SERPINB9: variants seen among roughly 807,000 people sequenced by gnomAD.
The protein encoded by SERPINB9 is serpin B9.
SERPINB9 carries 20 observed loss-of-function variants against 27.2 expected under a neutral mutation model. That is an observed-to-expected ratio of 0.74 (90% CI 0.52 to 1.07). The LOEUF is 1.07. SERPINB9 is among the 50% of genes least tolerant of loss of function. The pLI, the probability that SERPINB9 is intolerant of heterozygous loss-of-function variation, is 0.00. For missense variants in SERPINB9, 476 were observed against 460.1 expected (o/e 1.03, Z -0.32); for synonymous variants, 189 against 180.0 (o/e 1.05, Z -0.40).
chr6:2,899,515 CTT>C (rs1039903011), intron 2 of SERPINB9, among the ~76,000 whole-genome samples: 1 of 152,300 alleles, frequency 6.6e-6, no homozygotes, highest in African/African-American at 2.4e-5. Context: ...ATGTAATCCT[CTT>C]TACTTTTTCC....
chr6:2,892,585 G>A (rs1006536078), intron 5 of SERPINB9, among the ~76,000 whole-genome samples: 1 of 152,018 alleles, frequency 6.6e-6, no homozygotes, highest in Non-Finnish European at 1.5e-5. Context: ...GCTCAGCAAA[G>A]TATTACATTT....
intron 3 of SERPINB9, 53 bp downstream of exon 3, chr6:2,895,998 CTA>C: frequency 6.5e-7 from 1 of 1,544,130 alleles, no homozygotes; most frequent in South Asian, 1.2e-5. Context: ...CTCCCAGACT[CTA>C]TATCACCAGG....
At position 2,890,299 on chromosome 6, in the gene SERPINB9, G is replaced by A. The variant is rs370745277; in HGVS notation, c.995C>T (p.Ala332Val). Residue 332 changes from alanine (A) to valine (V), a missense_variant, in exon 7 of 7, where the codon GCG becomes GTG. Coordinates refer to ENST00000380698, the MANE Select transcript of SERPINB9 (RefSeq NM_004155.6). The surrounding 1 kb of genome is among the most constrained non-coding windows in gnomAD (Gnocchi z 6.2). ...VNEEGTEAAA[A>V]SSCFVVAECC... The stretch of plus-strand genomic sequence containing the variant: ...CTCTGCAACTACAAAGCAGCTCGAC[G>A]CTGCCGCTGCCTCGGTGCCTTCTTC... 82 of 1,614,090 alleles carry A rather than the reference G, an allele frequency of 5.1e-5. No homozygotes were observed. The highest frequency in any genetic ancestry group is 1.3e-4 in the South Asian group (12 of 91,092).
rs1767916771 is a variant in SERPINB9, at chr6:2,894,124, T to C, written c.425-571A>G. ...AGATCACCCCTTCTTTCCCTGGAGA[T>C]CAAGTGGTACTGTTTCAATGAACTG... is the stretch of plus-strand genomic sequence containing the variant. On this transcript the variant is annotated intron_variant, in intron 4 of 6. Transcript: ENST00000380698. This position sits in a 1 kb window ranked among gnomAD's most constrained non-coding sequence, Gnocchi z 4.7. Among the ~76,000 whole-genome samples, 1 of 152,030 alleles carries C rather than the reference T, an allele frequency of 6.6e-6. No homozygotes were observed. The highest frequency in any genetic ancestry group is 1.5e-5 in the Non-Finnish European group (1 of 68,008).
chr6:2,888,291 C>G lies in SERPINB9; in HGVS notation c.*1872G>C, dbSNP rs760689389. 1 of 152,082 alleles carries G rather than the reference C, an allele frequency of 6.6e-6. No homozygotes were observed. Among genetic ancestry groups the G allele is most frequent in the Non-Finnish European group, 1.5e-5 (1 of 68,012 alleles). The allele number at this position is 152,082 out of a possible 1,614,324, so 9.4% of individuals were successfully genotyped here. ...AACAGTTTGTCTGTTCCTCAAAAAG[C>G]TAAACATAGAATTAACATATGACCC... On this transcript the variant is annotated 3_prime_UTR_variant, in exon 7 of 7. Transcript: ENST00000380698.
intron 5 of SERPINB9, among the ~76,000 whole-genome samples, 176 bp downstream of exon 5, chr6:2,893,235 G>GTATATTTAATATATATATATTATATATA (rs1767884442): frequency 2.7e-5 from 1 of 36,368 alleles, no homozygotes; most frequent in Admixed American, 2.8e-4. Flanking sequence ...TATATATGCA[G>GTATATTTAATATATATATATTATATATA]CAAATATCTT....
chr6:2,893,053 C>CG (rs542385110), intron 5 of SERPINB9, among the ~76,000 whole-genome samples: 7,172 of 113,474 alleles, frequency 0.063, 220 homozygotes, highest in African/African-American at 0.095. Flanking sequence ...TACCTTAACA[C>CG]TTTTTTTTTT....
chr6:2,891,699 T>C lies in SERPINB9; in HGVS notation c.723+134A>G. On this transcript the variant is annotated intron_variant, in intron 6 of 6. Coordinates refer to ENST00000380698, the MANE Select transcript of SERPINB9 (RefSeq NM_004155.6). The surrounding 1 kb of genome is among the most constrained non-coding windows in gnomAD (Gnocchi z 4.0). ...AAGTCAGCCTTGAACAAAAGTTCGA[T>C]CCCAACGCCAAGTGCCTGCACAGTG... 2.0e-6 allele frequency: 2 copies of C among 1,007,698 alleles called. No homozygotes were observed. Among genetic ancestry groups the C allele is most frequent in the South Asian group, 1.8e-5 (1 of 54,532 alleles). 62.4% of individuals were successfully genotyped at this position (1,007,698 alleles called of 1,614,324 possible).
At chr6:2,898,683 G>C (rs1328419497) in intron 2 of SERPINB9, among the ~76,000 whole-genome samples, 1 of 151,904 alleles carries the variant, frequency 6.6e-6, no homozygotes, top group Non-Finnish European at 1.5e-5. Context: ...GCGTGGGGGC[G>C]GGCACCTGTA....
At chr6:2,895,564 A>T in intron 3 of SERPINB9, 56 bp from the exon 4 acceptor site, 7 of 1,090,960 alleles carry the variant, frequency 6.4e-6, no homozygotes, top group Non-Finnish European at 9.6e-6. Context: ...ATGTCAGCAA[A>T]CTTCCAAAAA....
At chr6:2,900,690 G>A in intron 1 of SERPINB9, 69 bp from the exon 2 acceptor site, 1 of 1,306,756 alleles carries the variant, frequency 7.7e-7, no homozygotes, top group South Asian at 1.4e-5. Flanking sequence ...ACTTACTACA[G>A]GGCAATTTTG....
Position 2,890,288 on chromosome 6 carries a change from A to G in SERPINB9, c.1006T>C (p.Phe336Leu). Reference sequence around the variant, plus strand: ...TCCATGCAGCACTCTGCAACTACAAAGCAGCTCGACGCTGCCGCTGCCTCG... The same window carrying G: ...TCCATGCAGCACTCTGCAACTACAAGGCAGCTCGACGCTGCCGCTGCCTCG... ...GTEAAAASSC[F>L]VVAECCMESG... Residue 336 changes from phenylalanine (F) to leucine (L), a missense_variant, in exon 7 of 7, where the codon TTT becomes CTT. Transcript: ENST00000380698. The surrounding 1 kb of genome is among the most constrained non-coding windows in gnomAD (Gnocchi z 6.2). The G allele has an allele frequency of 6.2e-7, 1 of 1,614,224 alleles. No homozygotes were observed. The highest frequency in any genetic ancestry group is 8.5e-7 in the Non-Finnish European group (1 of 1,180,036).
Position 2,889,366 on chromosome 6 carries a change from T to A in SERPINB9, c.*797A>T, listed in dbSNP as rs56348635. The stretch of plus-strand genomic sequence containing the variant: ...AGTGCCTAAAGCAGTGTTTGGTGCA[T>A]GCTTGGTGATTGGTAAATGTCAAAG... On this transcript the variant is annotated 3_prime_UTR_variant, in exon 7 of 7. Coordinates refer to ENST00000380698, the MANE Select transcript of SERPINB9 (RefSeq NM_004155.6). 0.078 allele frequency: 11,899 copies of A among 152,262 alleles called. 592 individuals carry two copies. The highest frequency in any genetic ancestry group is 0.13 in the African/African-American group (5,513 of 41,494). 9.4% of individuals were successfully genotyped at this position (152,262 alleles called of 1,614,324 possible).
Position 2,890,645 on chromosome 6 carries a change from C to A in SERPINB9, c.724-75G>T. ...CAAGCGCACAGGCACTCACAGTTCCCTTCCTCCCCTTGCACGTAGGTGTTG... is the reference window on the plus strand; with the variant it reads ...CAAGCGCACAGGCACTCACAGTTCCATTCCTCCCCTTGCACGTAGGTGTTG... On this transcript the variant is annotated intron_variant, in intron 6 of 6. Coordinates refer to ENST00000380698, the MANE Select transcript of SERPINB9 (RefSeq NM_004155.6). This position sits in a 1 kb window ranked among gnomAD's most constrained non-coding sequence, Gnocchi z 6.2. 3 of 1,384,096 alleles carry A rather than the reference C, an allele frequency of 2.2e-6. No homozygotes were observed. Among genetic ancestry groups the A allele is most frequent in the Admixed American group, 4.1e-5 (2 of 48,526 alleles). 85.7% of individuals were successfully genotyped at this position (1,384,096 alleles called of 1,614,324 possible). A position where few individuals can be genotyped will look rare whatever the true frequency, so the allele number is the denominator to read the frequency against.
intron 2 of SERPINB9, among the ~76,000 whole-genome samples, chr6:2,897,564 T>C (rs1244415966): frequency 6.6e-6 from 1 of 152,178 alleles, no homozygotes; most frequent in African/African-American, 2.4e-5. Flanking sequence ...CCAAAGAGTT[T>C]GGCCAAAGAT....
intron 4 of SERPINB9, 120 bp from the exon 5 acceptor site, chr6:2,893,673 G>C (rs1767902034): frequency 3.8e-6 from 3 of 790,128 alleles, no homozygotes; most frequent in Non-Finnish European, 2.0e-6. Context: ...AGTTTGGGTT[G>C]TTATGTAGAG....
Position 2,890,698 on chromosome 6 carries a change from T to C in SERPINB9, c.724-128A>G, listed in dbSNP as rs1767769994. Reference sequence around the variant, plus strand: ...TGTTCACATAGGATCAGTGGCCCCTTCATCTGCCAGAAGCTTGTGAGCACT... The same window carrying C: ...TGTTCACATAGGATCAGTGGCCCCTCCATCTGCCAGAAGCTTGTGAGCACT... On this transcript the variant is annotated intron_variant, in intron 6 of 6. Transcript: ENST00000380698. The surrounding 1 kb of genome is among the most constrained non-coding windows in gnomAD (Gnocchi z 6.2). The C allele has an allele frequency of 1.2e-6, 1 of 856,622 alleles. No homozygotes were observed. The highest frequency in any genetic ancestry group is 2.5e-5 in the Admixed American group (1 of 39,864). The allele number at this position is 856,622 out of a possible 1,614,324, so 53.1% of individuals were successfully genotyped here. A position where few individuals can be genotyped will look rare whatever the true frequency, so the allele number is the denominator to read the frequency against.
At position 2,896,095 on chromosome 6, in the gene SERPINB9, C is replaced by G; in HGVS notation, c.264G>C (p.Thr88=). 2 of 1,613,814 alleles carry G rather than the reference C, an allele frequency of 1.2e-6. No individual in the cohort carries two copies. Among genetic ancestry groups the G allele is most frequent in the Non-Finnish European group, 1.7e-6 (2 of 1,179,930 alleles). Residue 88 remains threonine, a synonymous_variant, in exon 3 of 7, where the codon ACG becomes ACC. Coordinates refer to ENST00000380698, the MANE Select transcript of SERPINB9 (RefSeq NM_004155.6). ...NKAGTQYLLR[T]ANRLFGEKTC... ...TTTTCTCTCCAAAGAGCCTGTTGGC[C>G]GTTCTCAGCAGGTACTGTGTGCCAG...
chr6:2,901,957 G>A (rs548471907), intron 1 of SERPINB9, among the ~76,000 whole-genome samples: 23 of 152,106 alleles, frequency 1.5e-4, no homozygotes, highest in East Asian at 3.9e-4. Flanking sequence ...ACAGCCACAC[G>A]GCACCTCAGA....
Sources: gnomAD v4.1 joint callset for allele counts (sites outside exome capture counted in the v4.1 genomes callset) on GRCh38, gnomAD v4.1.1 for gene constraint, Gnocchi (gnomAD v3.1) non-coding constraint, MANE v1.5 for transcripts, NCBI Gene and HGNC (gene_info 2026-07-23, HGNC 2026-07-21) for gene names.